The following DSP variants were observed in gnomAD, a reference collection of about 807,000 sequenced individuals.
DSP encodes the protein desmoplakin.
In DSP, 114 loss-of-function variants were observed where a neutral mutation model predicts 290.6. The observed-to-expected ratio is 0.39, with a 90% CI of 0.34 to 0.46. The LOEUF (loss-of-function observed/expected upper bound fraction) is 0.46. Among genes scored for constraint, DSP ranks in the 20% least tolerant of loss-of-function variants. DSP has a pLI of 0.99. For synonymous variants in DSP, 1,311 were observed against 1,316.4 expected, an observed-to-expected ratio of 1.00 and a Z score of 0.09; for missense variants, 3,230 against 3,495.8, an observed-to-expected ratio of 0.92 and a Z score of 1.92.
At chr6:7,575,163 G>A in intron 17 of DSP, 132 bp from the exon 18 acceptor site, 1 of 857,048 alleles carries the variant, frequency 1.2e-6, no homozygotes, top group Non-Finnish European at 1.9e-6. Flanking sequence ...TCCCTGGATT[G>A]ACTGTTAACA....
At chr6:7,554,082 A>AAAACACACACACACACACAC (rs1554105401) in intron 1 of DSP, among the ~76,000 whole-genome samples, 1 of 115,946 alleles carries the variant, frequency 8.6e-6, no homozygotes, top group East Asian at 2.7e-4. Context: ...CTTTCTTTAA[A>AAAACACACACACACACACAC]ACACACACAC....
At position 7,565,274 on chromosome 6, in the gene DSP, A is replaced by T; in HGVS notation, c.778-85A>T. The T allele has an allele frequency of 6.5e-7, 1 of 1,533,122 alleles. No individual in the cohort carries two copies. 95.0% of individuals were successfully genotyped at this position (1,533,122 alleles called of 1,614,324 possible). Reference sequence around the variant, plus strand: ...TCCGTGTGATTTTTTTTTTAAAGGGACCACAGGTTTAATCTTTAAACCTGC... The same window carrying T: ...TCCGTGTGATTTTTTTTTTAAAGGGTCCACAGGTTTAATCTTTAAACCTGC... On this transcript the variant is annotated intron_variant, in intron 6 of 23. Transcript: ENST00000379802. This position sits in a 1 kb window ranked among gnomAD's most constrained non-coding sequence, Gnocchi z 4.2.
rs570076731 is a variant in DSP at position 7,571,738 on chromosome 6, A to G, written c.1904-104A>G. ...ATTTTCAGAATTGATTCTGAAATTC[A>G]AAGGAAGAAGGTATACTTTTAGGTA... On this transcript the variant is annotated intron_variant, in intron 14 of 23. Coordinates refer to ENST00000379802, the MANE Select transcript of DSP (RefSeq NM_004415.4). 44 of 1,497,854 alleles carry G rather than the reference A, an allele frequency of 2.9e-5. No individual in the cohort carries two copies. In the African/African-American group the frequency reaches 5.5e-4, roughly 19 times the overall value. The allele number at this position is 1,497,854 out of a possible 1,614,324, so 92.8% of individuals were successfully genotyped here. A position where few individuals can be genotyped will look rare whatever the true frequency, so the allele number is the denominator to read the frequency against.
intron 7 of DSP, 22 bp from the exon 8 acceptor site, chr6:7,566,354 AT>A: frequency 6.3e-7 from 1 of 1,592,690 alleles, no homozygotes; most frequent in South Asian, 1.1e-5. Context: ...GCTGCAAAGG[AT>A]TTCTTATTTC....
chr6:7,557,202 A>G (rs1475234899), intron 2 of DSP, among the ~76,000 whole-genome samples: 3 of 152,226 alleles, frequency 2.0e-5, no homozygotes, highest in East Asian at 3.8e-4. Context: ...TCTGAATACA[A>G]AAGCCTTTTT....
chr6:7,558,022 A>G (rs375357693), intron 2 of DSP, 94 bp from the exon 3 acceptor site: 26 of 1,463,070 alleles, frequency 1.8e-5, no homozygotes, highest in African/African-American at 1.4e-4. Flanking sequence ...AGTTTTTGTC[A>G]TGTTTACAGT....
chr6:7,580,535 G>A lies in DSP; in HGVS notation c.4345G>A (p.Val1449Ile). 6.2e-7 allele frequency: 1 copy of A among 1,614,116 alleles called. No homozygotes were observed. The stretch of plus-strand genomic sequence containing the variant: ...GTCTCAGAGGAAACAGCAGCTGGAG[G>A]TTGAGCTGAGACAAGTCACTCAGAT... The part of the protein sequence containing the change: ...EVSQRKQQLE[V>I]ELRQVTQMRT... Residue 1449 changes from valine to isoleucine, a missense_variant, in exon 23 of 24, where the codon GTT (valine) becomes ATT (isoleucine). Coordinates refer to ENST00000379802, the MANE Select transcript of DSP (RefSeq NM_004415.4). This position sits in a 1 kb window ranked among gnomAD's most constrained non-coding sequence, Gnocchi z 4.2.
chr6:7,567,259 G>T, intron 8 of DSP, 95 bp from the exon 9 acceptor site: 1 of 977,042 alleles, frequency 1.0e-6, no homozygotes, highest in Non-Finnish European at 1.6e-6. Context: ...GATAAAAACT[G>T]CTTACTAGCT....
chr6:7,580,939 C>T lies in DSP; in HGVS notation c.4749C>T (p.Thr1583=), dbSNP rs745348231. 5.1e-5 allele frequency: 82 copies of T among 1,614,058 alleles called. 1 individual carries two copies. In the South Asian group the frequency reaches 5.2e-4, roughly 10 times the overall value. The change falls in exon 23 of 24, where the codon ACC becomes ACT. Residue 1583 remains threonine (T), a synonymous_variant. Transcript: ENST00000379802. The surrounding 1 kb of genome is among the most constrained non-coding windows in gnomAD (Gnocchi z 4.2). ...VEEELNRLKR[T]ASEDSCKRKK... The stretch of plus-strand genomic sequence containing the variant: ...AGGAGCTGAATCGGCTGAAGAGGAC[C>T]GCGTCAGAAGACTCCTGCAAGAGGA...
In DSP at chr6:7,585,626, C is replaced by T. The variant is rs756256863; in HGVS notation, c.8364C>T (p.Ala2788=). The change falls in exon 24 of 24, where the codon GCC becomes GCT. Residue 2788 remains alanine, a synonymous_variant. Transcript: ENST00000379802. Reference sequence around the variant, plus strand: ...AATTAAAAATATCCTATAAGGATGCCATAAATCGCTCCATGGTAGAAGATA... The same window carrying T: ...AATTAAAAATATCCTATAAGGATGCTATAAATCGCTCCATGGTAGAAGATA... ...KTKLKISYKD[A]INRSMVEDIT... The T allele has an allele frequency of 1.2e-6, 2 of 1,614,222 alleles. No homozygotes were observed. The highest frequency in any genetic ancestry group is 1.7e-5 in the Admixed American group (1 of 60,032).
At chr6:7,542,211 G>A in intron 1 of DSP, 126 bp downstream of exon 1, 1 of 1,318,472 alleles carries the variant, frequency 7.6e-7, no homozygotes, top group Non-Finnish European at 1.0e-6. Flanking sequence ...GGTCCCGAAA[G>A]AACTTCCCGG....
At chr6:7,581,692 T>TA (rs1581819357) in intron 23 of DSP, 123 bp downstream of exon 23, 1 of 1,359,454 alleles carries the variant, frequency 7.4e-7, no homozygotes, top group Non-Finnish European at 1.0e-6. Context: ...TTTTTCTTTT[T>TA]ATTGCTCTAC....
At chr6:7,548,176 A>G (rs531522097) in intron 1 of DSP, among the ~76,000 whole-genome samples, 51 of 152,274 alleles carry the variant, frequency 3.3e-4, no homozygotes, top group African/African-American at 8.2e-4. Flanking sequence ...CTGAGGCAGA[A>G]GAATCGCTTG....
Position 7,586,112 on chromosome 6 carries a change from A to G in DSP, c.*234A>G, listed in dbSNP as rs1030745922. The G allele has an allele frequency of 2.6e-5, 13 of 506,738 alleles. No individual in the cohort carries two copies. Among genetic ancestry groups the G allele is most frequent in the African/African-American group, 3.9e-5 (2 of 51,838 alleles). 31.4% of individuals were successfully genotyped at this position (506,738 alleles called of 1,614,324 possible). A position where few individuals can be genotyped will look rare whatever the true frequency, so the allele number is the denominator to read the frequency against. On this transcript the variant is annotated 3_prime_UTR_variant, in exon 24 of 24. Coordinates refer to ENST00000379802, the MANE Select transcript of DSP (RefSeq NM_004415.4). ...ATGCAGTGCGTCTGAAGTGCTAATC[A>G]GTTGTAACAATAGCACAAATCGAAC...
chr6:7,569,159 C>T, intron 11 of DSP, 27 bp from the exon 12 acceptor site: 1 of 1,614,082 alleles, frequency 6.2e-7, no homozygotes. Flanking sequence ...TGAATAAAGC[C>T]AAACCCTGGG....
chr6:7,573,914 A>G (rs980813328), intron 15 of DSP, among the ~76,000 whole-genome samples, 172 bp from the exon 16 acceptor site: 2 of 152,238 alleles, frequency 1.3e-5, no homozygotes, highest in African/African-American at 4.8e-5. Flanking sequence ...TGCTCTTACC[A>G]CACATACAAA....
At chr6:7,552,666 T>TA (rs1019457120) in intron 1 of DSP, among the ~76,000 whole-genome samples, 1 of 150,816 alleles carries the variant, frequency 6.6e-6, no homozygotes, top group African/African-American at 2.4e-5. Flanking sequence ...CCTGTTGTTT[T>TA]TTTTTTTTTT....
At chr6:7,575,850 A>G (rs533434800) in intron 18 of DSP, among the ~76,000 whole-genome samples, 5 of 152,344 alleles carry the variant, frequency 3.3e-5, no homozygotes, top group African/African-American at 1.2e-4. Context: ...GACCAAAAAA[A>G]ATGCCTTTCT....
chr6:7,565,603 A>G lies in DSP; in HGVS notation c.939+83A>G. The G allele has an allele frequency of 6.4e-7, 1 of 1,551,406 alleles. No homozygotes were observed. Among genetic ancestry groups the G allele is most frequent in the Non-Finnish European group, 8.9e-7 (1 of 1,128,738 alleles). ...TGGGGTCTCGGGGAATGATTGGTCT[A>G]TTAATAATTTAATCAGCCACTTGCA... is the stretch of plus-strand genomic sequence containing the variant. On this transcript the variant is annotated intron_variant, in intron 7 of 23. Coordinates refer to ENST00000379802, the MANE Select transcript of DSP (RefSeq NM_004415.4). This position sits in a 1 kb window ranked among gnomAD's most constrained non-coding sequence, Gnocchi z 4.2.
Sources: gnomAD v4.1 joint callset for allele counts (sites outside exome capture counted in the v4.1 genomes callset) on GRCh38, gnomAD v4.1.1 for gene constraint, Gnocchi (gnomAD v3.1) non-coding constraint, MANE v1.5 for transcripts, NCBI Gene and HGNC (gene_info 2026-07-23, HGNC 2026-07-21) for gene names.